TLN2: variants seen among roughly 807,000 people sequenced by gnomAD.
TLN2 encodes talin 2.
A neutral mutation model predicts 294.7 loss-of-function variants in TLN2; 118 were observed. The observed-to-expected ratio is 0.40, with a 90% confidence interval of 0.34 to 0.47. The LOEUF (loss-of-function observed/expected upper bound fraction) is 0.47. TLN2 is among the 20% of genes least tolerant of loss of function. The pLI, the probability that TLN2 is intolerant of heterozygous loss-of-function variation, is 0.84. For missense variants in TLN2, 3,083 were observed against 3,282.2 expected (o/e 0.94, Z 1.48); for synonymous variants, 1,431 against 1,304.5 (o/e 1.10, Z -2.09).
At position 62,675,289 on chromosome 15, in the gene TLN2, C is replaced by T. The variant is rs775122207; in HGVS notation, c.925C>T (p.Arg309Cys). 9.3e-6 allele frequency: 15 copies of T among 1,614,084 alleles called. No homozygotes were observed. Among genetic ancestry groups the T allele is most frequent in the Admixed American group, 3.3e-5 (2 of 59,996 alleles). ...GTACGTCAAACTCGCACGGTCCCTC[C>T]GCACATATGGCGTGTCCTTCTTCCT... ...VKYVKLARSL[R>C]TYGVSFFLVK... The change falls in exon 11 of 59, where the codon CGC becomes TGC. Residue 309 changes from arginine to cysteine, a missense_variant. Arg to Cys is a radical substitution (Grantham distance 180, BLOSUM62 -3). Coordinates refer to ENST00000636159, the MANE Select transcript of TLN2 (RefSeq NM_015059.3).
chr15:62,710,492 GT>G (rs2059353770), intron 21 of TLN2, among the ~76,000 whole-genome samples: 1 of 152,038 alleles, frequency 6.6e-6, no homozygotes, highest in South Asian at 2.1e-4. Flanking sequence ...GTTGTTGTTT[GT>G]TTGTTTTTGA....
At chr15:62,575,651 A>C (rs1195292327) in intron 1 of TLN2, among the ~76,000 whole-genome samples, 1 of 152,112 alleles carries the variant, frequency 6.6e-6, no homozygotes, top group Non-Finnish European at 1.5e-5. Context: ...AATTAGTCCA[A>C]CTTCTTCTCA....
At chr15:62,770,939 T>TG in intron 41 of TLN2, 25 bp from the exon 42 acceptor site, 2 of 1,547,404 alleles carry the variant, frequency 1.3e-6, no homozygotes, top group South Asian at 1.2e-5. Flanking sequence ...GATACATCTC[T>TG]GGCTTTTTTT....
intron 1 of TLN2, among the ~76,000 whole-genome samples, chr15:62,479,934 C>T (rs766095997): frequency 1.7e-4 from 26 of 152,344 alleles, no homozygotes; most frequent in Middle Eastern, 3.4e-3. Context: ...TTGCCTAAAG[C>T]CAGCTTATCT....
At chr15:62,652,348 T>G (rs28539831) in intron 6 of TLN2, among the ~76,000 whole-genome samples, 10,459 of 152,200 alleles carry the variant, frequency 0.069, 579 homozygotes, top group African/African-American at 0.15. Flanking sequence ...GGCTTTCATT[T>G]CCCTCTCCAA....
At chr15:62,714,189 G>GTT (rs5813163) in intron 22 of TLN2, among the ~76,000 whole-genome samples, 8 of 96,400 alleles carry the variant, frequency 8.3e-5, no homozygotes, top group African/African-American at 2.3e-4. Flanking sequence ...CAATGTGCAC[G>GTT]TTTTTTTTTT....
At chr15:62,734,330 A>G (rs1468146224) in intron 28 of TLN2, among the ~76,000 whole-genome samples, 1 of 152,178 alleles carries the variant, frequency 6.6e-6, no homozygotes, top group Non-Finnish European at 1.5e-5. Context: ...ACAAGAGGAG[A>G]GGTCTAGAAA....
At chr15:62,653,388 A>G (rs2052823368) in intron 7 of TLN2, 74 bp downstream of exon 7, 9 of 1,518,490 alleles carry the variant, frequency 5.9e-6, no homozygotes, top group South Asian at 1.3e-5. Flanking sequence ...CACCATCCAT[A>G]TGACCCAGGA....
chr15:62,822,156 C>T (rs896567430), intron 54 of TLN2, among the ~76,000 whole-genome samples: 18 of 152,126 alleles, frequency 1.2e-4, no homozygotes, highest in African/African-American at 3.4e-4. Flanking sequence ...CTGGTTTCCC[C>T]GTGTCTGGTC....
intron 9 of TLN2, among the ~76,000 whole-genome samples, chr15:62,671,800 G>T (rs1331994388): frequency 6.6e-6 from 1 of 152,084 alleles, no homozygotes; most frequent in Admixed American, 6.5e-5. Context: ...AGAATTTCTT[G>T]TGTTTGGGTT....
At chr15:62,791,053 G>A (rs1253666656) in intron 45 of TLN2, among the ~76,000 whole-genome samples, 2 of 152,224 alleles carry the variant, frequency 1.3e-5, no homozygotes, top group African/African-American at 4.8e-5. Context: ...GCTTGGCTGG[G>A]CCTGGTGGCT....
chr15:62,405,414 A>G (rs533243558), intron 1 of TLN2, among the ~76,000 whole-genome samples: 1 of 152,014 alleles, frequency 6.6e-6, no homozygotes, highest in South Asian at 2.1e-4. Flanking sequence ...GAGACACAAC[A>G]CCCATCTCAA....
At chr15:62,719,909 A>C in intron 25 of TLN2, 29 bp downstream of exon 25, 4 of 1,531,976 alleles carry the variant, frequency 2.6e-6, no homozygotes, top group Non-Finnish European at 2.7e-6. Context: ...CCTTGGGCTC[A>C]CTCAGAGCCC....
Position 62,842,244 on chromosome 15 carries a change from G to A in TLN2, c.*1634G>A, listed in dbSNP as rs2070783025. 6.6e-6 allele frequency: 1 copy of A among 152,130 alleles called. No individual in the cohort carries two copies. The highest frequency in any genetic ancestry group is 2.4e-5 in the African/African-American group (1 of 41,412). 9.4% of individuals were successfully genotyped at this position (152,130 alleles called of 1,614,324 possible). On this transcript the variant is annotated 3_prime_UTR_variant, in exon 59 of 59. Coordinates refer to ENST00000636159, the MANE Select transcript of TLN2 (RefSeq NM_015059.3). ...CCAGTAAAGTTAGAGAAAAGACGCT[G>A]TAAAGGAAAAGCAAGTGAGAGTATG...
intron 43 of TLN2, among the ~76,000 whole-genome samples, 153 bp downstream of exon 43, chr15:62,777,063 A>G (rs1194200504): frequency 2.0e-5 from 3 of 152,192 alleles, no homozygotes; most frequent in African/African-American, 7.2e-5. Context: ...CATGTCCAAC[A>G]TATTATTCTT....
At chr15:62,764,762 T>C (rs1168354335) in intron 40 of TLN2, among the ~76,000 whole-genome samples, 3 of 151,380 alleles carry the variant, frequency 2.0e-5, no homozygotes. Context: ...AGATCAGGAG[T>C]TCCAGACCAG....
intron 50 of TLN2, 100 bp from the exon 51 acceptor site, chr15:62,805,500 C>A: frequency 1.6e-6 from 2 of 1,275,604 alleles, no homozygotes; most frequent in Non-Finnish European, 2.1e-6. Context: ...CAGTTACTGG[C>A]TCAGTTTTCA....
At chr15:62,655,356 G>C (rs1319780484) in intron 7 of TLN2, among the ~76,000 whole-genome samples, 1 of 152,158 alleles carries the variant, frequency 6.6e-6, no homozygotes. Flanking sequence ...GTGAGGACAG[G>C]GTTCTCAGAA....
chr15:62,672,445 C>T (rs936629150), intron 9 of TLN2, among the ~76,000 whole-genome samples: 6 of 152,222 alleles, frequency 3.9e-5, no homozygotes, highest in South Asian at 2.1e-4. Context: ...GGATTTGCTT[C>T]GGAATAATCC....
Sources: allele counts gnomAD v4.1 joint callset (sites outside exome capture counted in the v4.1 genomes callset), GRCh38; gene constraint gnomAD v4.1.1; transcripts MANE v1.5; gene names NCBI Gene and HGNC (gene_info 2026-07-23, HGNC 2026-07-21).